CCDC170: variants seen among roughly 807,000 people sequenced by gnomAD.
CCDC170 encodes the protein coiled-coil domain-containing protein 170.
A neutral mutation model predicts 72.6 loss-of-function variants in CCDC170; 69 were observed. The observed-to-expected ratio is 0.95, with a 90% CI of 0.78 to 1.16. The LOEUF (loss-of-function observed/expected upper bound fraction) is 1.16, where lower values mean the gene tolerates loss of function less well. Among genes scored for constraint, CCDC170 ranks in the 50% most tolerant of loss-of-function variants. The pLI, the probability that CCDC170 is intolerant of heterozygous loss-of-function variation, is 0.00. For missense variants in CCDC170, 852 were observed against 832.5 expected (o/e 1.02, Z -0.29); for synonymous variants, 300 against 303.9 (o/e 0.99, Z 0.13).
intron 8 of CCDC170, among the ~76,000 whole-genome samples, chr6:151,594,623 A>C (rs925081064): frequency 1.3e-5 from 2 of 151,782 alleles, no homozygotes; most frequent in Non-Finnish European, 2.9e-5. Flanking sequence ...TACCAGTGTA[A>C]AATTGCAATG....
chr6:151,514,872 T>C (rs1386647850), intron 1 of CCDC170, among the ~76,000 whole-genome samples: 3 of 152,170 alleles, frequency 2.0e-5, no homozygotes, highest in Non-Finnish European at 4.4e-5. Flanking sequence ...ACCATTCATT[T>C]CCATCCTAAT....
intron 1 of CCDC170, among the ~76,000 whole-genome samples, chr6:151,527,392 C>T (rs2115038383): frequency 6.6e-6 from 1 of 152,246 alleles, no homozygotes; most frequent in South Asian, 2.1e-4. Context: ...GCCACACTCT[C>T]CTCTGCAGGC....
intron 9 of CCDC170, among the ~76,000 whole-genome samples, chr6:151,613,321 C>T (rs771257561): frequency 4.6e-5 from 7 of 152,068 alleles, no homozygotes; most frequent in Non-Finnish European, 1.0e-4. Flanking sequence ...AAGAATTGCT[C>T]GAAACCAGAA....
At chr6:151,534,231 AT>A (rs1290886608) in intron 1 of CCDC170, among the ~76,000 whole-genome samples, 1 of 151,708 alleles carries the variant, frequency 6.6e-6, no homozygotes, top group Non-Finnish European at 1.5e-5. Flanking sequence ...CGCCCAGCTA[AT>A]TTTTTGTAGA....
At position 151,538,222 on chromosome 6, in the gene CCDC170, A is replaced by G; in HGVS notation, c.364A>G (p.Thr122Ala). Residue 122 changes from threonine to alanine, a missense_variant, in exon 3 of 11, where the codon ACA (threonine) becomes GCA (alanine). Transcript: ENST00000239374. ...AGCACTTTCCACTTCTAAAATCAGAACAGAAATCACAGCTCACGCTGCAAT... is the reference window on the plus strand; with the variant it reads ...AGCACTTTCCACTTCTAAAATCAGAGCAGAAATCACAGCTCACGCTGCAAT... ...SAALSTSKIR[T>A]EITAHAAIKE... 3.1e-6 allele frequency: 5 copies of G among 1,613,942 alleles called. No homozygotes were observed. The highest frequency in any genetic ancestry group is 4.2e-6 in the Non-Finnish European group (5 of 1,179,846).
Position 151,548,464 on chromosome 6 carries a change from C to G in CCDC170, c.749C>G (p.Thr250Ser). 2 of 1,584,088 alleles carry G rather than the reference C, an allele frequency of 1.3e-6. No individual in the cohort carries two copies. The change falls in exon 5 of 11, where the codon ACT becomes AGT. Residue 250 changes from threonine (T) to serine (S), a missense_variant. Physicochemically the swap from Thr to Ser is moderately conservative, Grantham distance 58 (BLOSUM62 1). Coordinates refer to ENST00000239374, the MANE Select transcript of CCDC170 (RefSeq NM_025059.4). ...GAGCAGAAAAAAGCTGCCTCCTGTA[C>G]TGAAGAGAAAGAGAAGCTGAACCAG... ...NREQKKAASCTEEKEKLNQDL... is the reference protein window; with the variant it reads ...NREQKKAASCSEEKEKLNQDL...
chr6:151,494,079 T>C lies in CCDC170; in HGVS notation c.-50T>C, dbSNP rs778767525. 6.9e-7 allele frequency: 1 copy of C among 1,451,270 alleles called. No individual in the cohort carries two copies. The highest frequency in any genetic ancestry group is 1.4e-5 in the South Asian group (1 of 73,294). The allele number at this position is 1,451,270 out of a possible 1,614,324, so 89.9% of individuals were successfully genotyped here. A position where few individuals can be genotyped will look rare whatever the true frequency, so the allele number is the denominator to read the frequency against. ...ACCCGCCGGCTCCCGGCGCCGCCGCTTCCTCAGGGCCGGTTCCGGGTCCGA... is the reference window on the plus strand; with the variant it reads ...ACCCGCCGGCTCCCGGCGCCGCCGCCTCCTCAGGGCCGGTTCCGGGTCCGA... On this transcript the variant is annotated 5_prime_UTR_variant, in exon 1 of 11. Transcript: ENST00000239374.
At chr6:151,589,613 A>G (rs1458178761) in intron 7 of CCDC170, among the ~76,000 whole-genome samples, 2 of 145,252 alleles carry the variant, frequency 1.4e-5, no homozygotes, top group Non-Finnish European at 1.5e-5. Context: ...AATTGTGCTC[A>G]TTAACACGGA....
At chr6:151,580,273 A>C (rs980382166) in intron 6 of CCDC170, among the ~76,000 whole-genome samples, 2 of 151,926 alleles carry the variant, frequency 1.3e-5, no homozygotes, top group African/African-American at 4.8e-5. Context: ...GGTATAGGAG[A>C]CGTTGAAGGG....
chr6:151,527,050 A>ATTTTTTTT (rs56941290), intron 1 of CCDC170, among the ~76,000 whole-genome samples: 11 of 69,672 alleles, frequency 1.6e-4, no homozygotes, highest in Non-Finnish European at 2.2e-4. Flanking sequence ...ATGCTTAGCT[A>ATTTTTTTT]TTTTTTTTTT....
At chr6:151,547,905 G>T (rs1056831215) in intron 4 of CCDC170, among the ~76,000 whole-genome samples, 2 of 152,174 alleles carry the variant, frequency 1.3e-5, no homozygotes, top group Non-Finnish European at 2.9e-5. Context: ...ATGGCCGTGT[G>T]TTCTCTGTAT....
intron 1 of CCDC170, among the ~76,000 whole-genome samples, chr6:151,519,423 G>C (rs1014524915): frequency 2.6e-5 from 4 of 152,036 alleles, no homozygotes; most frequent in South Asian, 4.1e-4. Flanking sequence ...CTGTTATTCC[G>C]TTCTTTTTCA....
rs757900433 is a variant in CCDC170 at position 151,544,624 on chromosome 6, A to C, written c.496A>C (p.Arg166=). 1.1e-5 allele frequency: 18 copies of C among 1,613,546 alleles called. 1 individual carries two copies. In the South Asian group the frequency reaches 2.0e-4, roughly 18 times the overall value. ...TAAGAAACAAGTTTCAAAGAATTGC[A>C]GGAAACATGAGGAATTTCTGACTCA... ...ENKKQVSKNC[R]KHEEFLTQLR... The change falls in exon 4 of 11, where the codon AGG becomes CGG. Residue 166 remains arginine (R), a synonymous_variant. Transcript: ENST00000239374.
intron 5 of CCDC170, among the ~76,000 whole-genome samples, chr6:151,555,178 A>G (rs1179014076): frequency 6.6e-6 from 1 of 151,992 alleles, no homozygotes; most frequent in Non-Finnish European, 1.5e-5. Context: ...CACCGTGCCC[A>G]GCCTGGACCT....
At chr6:151,515,938 T>C (rs1345871929) in intron 1 of CCDC170, among the ~76,000 whole-genome samples, 1 of 151,960 alleles carries the variant, frequency 6.6e-6, no homozygotes, top group South Asian at 2.1e-4. Context: ...TGGTGGCACA[T>C]GCCTGTAGTC....
At chr6:151,573,587 A>G (rs912929238) in intron 6 of CCDC170, 96 bp downstream of exon 6, 43 of 1,150,814 alleles carry the variant, frequency 3.7e-5, no homozygotes, top group Middle Eastern at 4.3e-4. Context: ...TCACGCTGCT[A>G]TAAGAAATAC....
At chr6:151,597,836 C>A (rs1336796678) in intron 9 of CCDC170, among the ~76,000 whole-genome samples, 1 of 152,194 alleles carries the variant, frequency 6.6e-6, no homozygotes, top group Non-Finnish European at 1.5e-5. Context: ...GTACAGTGGA[C>A]AATAACATCC....
chr6:151,527,263 A>G (rs1782426001), intron 1 of CCDC170, among the ~76,000 whole-genome samples: 4 of 152,060 alleles, frequency 2.6e-5, no homozygotes, highest in Admixed American at 2.6e-4. Flanking sequence ...AATAATGTAA[A>G]AACAATATGA....
At position 151,589,557 on chromosome 6, in the gene CCDC170, A is replaced by G. The variant is rs145996086; in HGVS notation, c.1293+3468A>G. On this transcript the variant is annotated intron_variant, in intron 7 of 10. Coordinates refer to ENST00000239374, the MANE Select transcript of CCDC170 (RefSeq NM_025059.4). Reference sequence around the variant, plus strand: ...ATCCTGTCTCCTTACTAGATCTCCAATGCCTCCCCCATCTCTATATCCAGC... The same window carrying G: ...ATCCTGTCTCCTTACTAGATCTCCAGTGCCTCCCCCATCTCTATATCCAGC... Among the ~76,000 whole-genome samples, 692 of 151,968 alleles carry G rather than the reference A, an allele frequency of 4.6e-3. 8 individuals are homozygous for G. Among genetic ancestry groups the G allele is most frequent in the African/African-American group, 0.016 (649 of 41,446 alleles).
Sources: allele counts gnomAD v4.1 joint callset (sites outside exome capture counted in the v4.1 genomes callset), GRCh38; gene constraint gnomAD v4.1.1; transcripts MANE v1.5; gene names NCBI Gene and HGNC (gene_info 2026-07-23, HGNC 2026-07-21).